ZNF229: variants seen among roughly 807,000 people sequenced by gnomAD.
ZNF229 encodes zinc finger protein 229.
In ZNF229, 10 loss-of-function variants were observed where a neutral mutation model predicts 11.8. The observed-to-expected ratio is 0.85, with a 90% CI of 0.52 to 1.44. The LOEUF (loss-of-function observed/expected upper bound fraction) is 1.44, where lower values mean the gene tolerates loss of function less well. Among genes scored for constraint, ZNF229 ranks in the 40% most tolerant of loss-of-function variants. The probability of loss-of-function intolerance (pLI) is 0.00; values close to 1 mark genes in which losing one functional copy is unlikely to be tolerated. For synonymous variants in ZNF229, 368 were observed against 374.8 expected, an observed-to-expected ratio of 0.98 and a Z score of 0.21; for missense variants, 1,045 against 1,015.1, an observed-to-expected ratio of 1.03 and a Z score of -0.40.
rs1390329673 is a variant in ZNF229, at chr19:44,432,293, C to T, written c.167G>A (p.Arg56Lys). 5.6e-6 allele frequency: 9 copies of T among 1,613,976 alleles called. No individual in the cohort carries two copies. The highest frequency in any genetic ancestry group is 4.4e-5 in the South Asian group (4 of 91,074). Residue 56 changes from arginine to lysine, a missense_variant, in exon 5 of 6, where the codon AGG (arginine) becomes AAG (lysine). By Grantham distance (26) the Arg-to-Lys change is conservative (BLOSUM62 2). Transcript: ENST00000614049. ...CTGCATCACATCTTGGTACAGCTGC[C>T]TCTGGGTAGAGTCCAGCAGCTCTAG... ...EELELLDSTQ[R>K]QLYQDVMQEN...
chr19:44,432,020 A>G, intron 5 of ZNF229: 1 of 1,082,648 alleles, frequency 9.2e-7, no homozygotes, highest in East Asian at 3.4e-5. Context: ...TCCTCACCAG[A>G]ACCCAACTAT....
chr19:44,432,714 T>C (rs988455534), intron 4 of ZNF229, among the ~76,000 whole-genome samples: 1 of 151,770 alleles, frequency 6.6e-6, no homozygotes. Context: ...TGGGGAGGGA[T>C]AGCATTAGGA....
At chr19:44,444,181 C>T (rs887245626) in intron 2 of ZNF229, among the ~76,000 whole-genome samples, 3 of 152,214 alleles carry the variant, frequency 2.0e-5, no homozygotes, top group Non-Finnish European at 2.9e-5. Context: ...CAGAGCTACT[C>T]GGGAGGTAGT....
rs1183035201 is a variant in ZNF229 at position 44,438,267 on chromosome 19, T to G, written c.93+4296A>C. Among the ~76,000 whole-genome samples, 9 of 152,304 alleles carry G rather than the reference T, an allele frequency of 5.9e-5. No individual in the cohort carries two copies. The East Asian group carries it at 1.7e-3, about 29-fold the overall frequency. ...ATTTACTGATGAGAAAATACAAATA[T>G]AGCCAATATACATATGAAAAAGTGC... On this transcript the variant is annotated intron_variant, in intron 4 of 5. Coordinates refer to ENST00000614049, the MANE Select transcript of ZNF229 (RefSeq NM_014518.4).
Position 44,429,946 on chromosome 19 carries a change from C to T in ZNF229, c.835G>A (p.Asp279Asn). Residue 279 changes from aspartate (D) to asparagine (N), a missense_variant, in exon 6 of 6, where the codon GAC (aspartate) becomes AAC (asparagine). By Grantham distance (23) the Asp-to-Asn change is conservative. Transcript: ENST00000614049. ...EYRNGFRDDA[D>N]LPPHPRVPLK... ...GGTACTCTTGGATGCGGGGGAAGGTCTGCATCGTCCCTGAAGCCATTTCTG... is the reference window on the plus strand; with the variant it reads ...GGTACTCTTGGATGCGGGGGAAGGTTTGCATCGTCCCTGAAGCCATTTCTG... 1 of 1,613,928 alleles carries T rather than the reference C, an allele frequency of 6.2e-7. No homozygotes were observed. The highest frequency in any genetic ancestry group is 8.5e-7 in the Non-Finnish European group (1 of 1,179,880).
In ZNF229 at chr19:44,429,005, C is replaced by G; in HGVS notation, c.1776G>C (p.Arg592Ser). 1 of 1,613,100 alleles carries G rather than the reference C, an allele frequency of 6.2e-7. No homozygotes were observed. The highest frequency in any genetic ancestry group is 2.2e-5 in the East Asian group (1 of 44,796). The change falls in exon 6 of 6, where the codon AGG (arginine) becomes AGC (serine). Residue 592 changes from arginine (R) to serine (S), a missense_variant. By Grantham distance (110) the Arg-to-Ser change is moderately radical. Transcript: ENST00000614049. ...RRNSDLHSHQ[R>S]VHTGERPYVC... ...CGTAGGGCCTCTCTCCCGTGTGGAC[C>G]CTCTGGTGGCTGTGAAGGTCTGAAT...
Position 44,429,462 on chromosome 19 carries a change from T to C in ZNF229, c.1319A>G (p.Lys440Arg), listed in dbSNP as rs1175677862. The change falls in exon 6 of 6, where the codon AAA becomes AGA. Residue 440 changes from lysine to arginine, a missense_variant. By Grantham distance (26) the Lys-to-Arg change is conservative. Transcript: ENST00000614049. The stretch of plus-strand genomic sequence containing the variant: ...CAGTGCAGACTTGGCACAGAAGCCT[T>C]TGCCACACTCGCTGCAGGTGTAGGG... Reference protein sequence around the residue: ...EKPYTCSECGKGFCAKSALHK... With the variant: ...EKPYTCSECGRGFCAKSALHK... 8 of 1,613,328 alleles carry C rather than the reference T, an allele frequency of 5.0e-6. No individual in the cohort carries two copies. The highest frequency in any genetic ancestry group is 6.8e-6 in the Non-Finnish European group (8 of 1,179,876).
In ZNF229 at chr19:44,442,631, G is replaced by A. The variant is rs1971932967; in HGVS notation, c.35-10C>T. On this transcript the variant is annotated splice_polypyrimidine_tract_variant and intron_variant, in intron 3 of 5. Coordinates refer to ENST00000614049, the MANE Select transcript of ZNF229 (RefSeq NM_014518.4). ...GCTTGAGAATGAAGAGCTGTAGGAG[G>A]AGAAAGAGGCCATGAGGAGGAGTTG... is the stretch of plus-strand genomic sequence containing the variant. The A allele has an allele frequency of 1.9e-6, 3 of 1,613,966 alleles. No homozygotes were observed. Among genetic ancestry groups the A allele is most frequent in the African/African-American group, 2.7e-5 (2 of 74,900 alleles).
intron 2 of ZNF229, among the ~76,000 whole-genome samples, chr19:44,445,658 C>A (rs1971990958): frequency 6.6e-6 from 1 of 152,106 alleles, no homozygotes; most frequent in African/African-American, 2.4e-5. Flanking sequence ...CTTCCTACAC[C>A]CTCCTCTGCT....
Position 44,428,951 on chromosome 19 carries a change from G to T in ZNF229, c.1830C>A (p.Ile610=). The part of the protein sequence containing the change: ...YVCDVCGKGF[I]YSSDLLIHQR... Reference sequence around the variant, plus strand: ...GATGGATAAGGAGGTCGGAGCTGTAGATGAAACCCTTCCCACACACGTCAC... The same window carrying T: ...GATGGATAAGGAGGTCGGAGCTGTATATGAAACCCTTCCCACACACGTCAC... The change falls in exon 6 of 6, where the codon ATC becomes ATA. Residue 610 remains isoleucine (I), a synonymous_variant. Coordinates refer to ENST00000614049, the MANE Select transcript of ZNF229 (RefSeq NM_014518.4). 2 of 1,610,802 alleles carry T rather than the reference G, an allele frequency of 1.2e-6. No homozygotes were observed. The highest frequency in any genetic ancestry group is 1.7e-6 in the Non-Finnish European group (2 of 1,178,928).
Position 44,430,197 on chromosome 19 carries a change from T to C in ZNF229, c.584A>G (p.Gln195Arg), listed in dbSNP as rs1971692159. ...ACATCTTTCTTGAACATCCCCTAAC[T>C]GGTTCACAAACGCTTTTGCCCAAGA... ...QGSWAKAFVN[Q>R]LGDVQERCKN... The change falls in exon 6 of 6, where the codon CAG becomes CGG. Residue 195 changes from glutamine (Q) to arginine (R), a missense_variant. Gln to Arg is a conservative substitution (Grantham distance 43). Transcript: ENST00000614049. The C allele has an allele frequency of 4.3e-6, 7 of 1,614,134 alleles. No individual in the cohort carries two copies. The East Asian group carries it at 1.6e-4, about 36-fold the overall frequency.
chr19:44,430,538 G>T lies in ZNF229; in HGVS notation c.243C>A (p.Asp81Glu), dbSNP rs1054771008. 6.2e-7 allele frequency: 1 copy of T among 1,611,438 alleles called. No homozygotes were observed. The highest frequency in any genetic ancestry group is 8.5e-7 in the Non-Finnish European group (1 of 1,178,726). Residue 81 changes from aspartate (D) to glutamate (E), a missense_variant, in exon 6 of 6, where the codon GAC (aspartate) becomes GAA (glutamate). By Grantham distance (45) the Asp-to-Glu change is conservative. Coordinates refer to ENST00000614049, the MANE Select transcript of ZNF229 (RefSeq NM_014518.4). Reference sequence around the variant, plus strand: ...TATACTCCGTATCCTTTCCATTCTTGTCTCCTATGAGGTTAAAGACAATTC... The same window carrying T: ...TATACTCCGTATCCTTTCCATTCTTTTCTCCTATGAGGTTAAAGACAATTC... ...LSVGERNPLG[D>E]KNGKDTEYIQ...
rs1971670361 is a variant in ZNF229, at chr19:44,429,614, A to C, written c.1167T>G (p.Ser389Arg). Residue 389 changes from serine to arginine, a missense_variant, in exon 6 of 6, where the codon AGT becomes AGG. Transcript: ENST00000614049. ...CEECGKAFGR[S>R]SNLLVHQRVH... Reference sequence around the variant, plus strand: ...CCCTCTGATGGACAAGCAGGTTTGAACTTCGACCAAATGCCTTCCCACACT... The same window carrying C: ...CCCTCTGATGGACAAGCAGGTTTGACCTTCGACCAAATGCCTTCCCACACT... 1 of 1,613,846 alleles carries C rather than the reference A, an allele frequency of 6.2e-7. No homozygotes were observed. The highest frequency in any genetic ancestry group is 8.5e-7 in the Non-Finnish European group (1 of 1,179,960).
intron 2 of ZNF229, among the ~76,000 whole-genome samples, chr19:44,445,282 T>C (rs1278852052): frequency 4.6e-5 from 7 of 152,276 alleles, no homozygotes; most frequent in African/African-American, 1.7e-4. Flanking sequence ...CTCCTGTTCG[T>C]TTCAGTCTAC....
intron 1 of ZNF229, among the ~76,000 whole-genome samples, chr19:44,448,034 G>A (rs1972032939): frequency 1.3e-5 from 2 of 152,208 alleles, no homozygotes; most frequent in Admixed American, 1.3e-4. Context: ...GATAAAATTA[G>A]AACACAGGGA....
intron 1 of ZNF229, 84 bp from the exon 2 acceptor site, chr19:44,447,684 CT>C (rs1211487054): frequency 3.9e-5 from 6 of 152,152 alleles, no homozygotes; most frequent in African/African-American, 1.4e-4. Context: ...TCAGTGCCAG[CT>C]GGATGTAATC....
intron 4 of ZNF229, among the ~76,000 whole-genome samples, chr19:44,441,984 A>G (rs961597886): frequency 2.6e-5 from 4 of 152,238 alleles, no homozygotes; most frequent in African/African-American, 9.6e-5. Context: ...AGAGGCTTAT[A>G]GTCTTTTCAT....
chr19:44,443,881 A>C (rs1971958062), intron 2 of ZNF229, among the ~76,000 whole-genome samples: 1 of 152,138 alleles, frequency 6.6e-6, no homozygotes, highest in Non-Finnish European at 1.5e-5. Flanking sequence ...AGTTATGCTC[A>C]TGGAGCCCAG....
rs202179521 is a variant in ZNF229 at position 44,436,840 on chromosome 19, C to A, written c.94-4474G>T. Among the ~76,000 whole-genome samples the A allele has an allele frequency of 2.6e-5, 4 of 152,222 alleles. No homozygotes were observed. The East Asian group carries it at 7.7e-4, about 29-fold the overall frequency. On this transcript the variant is annotated intron_variant, in intron 4 of 5. Coordinates refer to ENST00000614049, the MANE Select transcript of ZNF229 (RefSeq NM_014518.4). ...CCAGAGCACAGAATGCAGGAGCAGT[C>A]AGGTCCATGTGAAATATCAATCAAT...
Sources: allele counts gnomAD v4.1 joint callset (sites outside exome capture counted in the v4.1 genomes callset), GRCh38; gene constraint gnomAD v4.1.1; transcripts MANE v1.5; gene names NCBI Gene and HGNC (gene_info 2026-07-23, HGNC 2026-07-21).